Variants in HHAT observed in about 807,000 individuals in gnomAD.
HHAT encodes the protein protein-cysteine N-palmitoyltransferase HHAT.
HHAT carries 47 observed loss-of-function variants against 70.8 expected under a neutral mutation model. That is an observed-to-expected ratio of 0.66 (90% CI 0.53 to 0.85). The LOEUF is 0.85. Among genes scored for constraint, HHAT ranks in the 40% least tolerant of loss-of-function variants. HHAT has a pLI of 0.00. For missense variants in HHAT, 609 were observed against 604.8 expected (o/e 1.01, Z -0.07); for synonymous variants, 228 against 247.6 (o/e 0.92, Z 0.74).
chr1:210,403,820 T>G (rs1351438299), intron 5 of HHAT, among the ~76,000 whole-genome samples: 1 of 152,238 alleles, frequency 6.6e-6, no homozygotes, highest in Non-Finnish European at 1.5e-5. Context: ...CTTCTCATTT[T>G]TTGTTCCATG....
intron 7 of HHAT, among the ~76,000 whole-genome samples, chr1:210,429,680 C>G (rs890476367): frequency 3.3e-5 from 5 of 151,592 alleles, no homozygotes; most frequent in African/African-American, 1.2e-4. Context: ...AGGTGGTCCC[C>G]CCTGTTTGCA....
chr1:210,601,947 G>GAA (rs1664353370), intron 10 of HHAT, among the ~76,000 whole-genome samples: 1 of 109,724 alleles, frequency 9.1e-6, no homozygotes, highest in Admixed American at 1.1e-4. Context: ...CAGAGAGAGA[G>GAA]AGAGAGAGAG....
intron 8 of HHAT, among the ~76,000 whole-genome samples, chr1:210,490,368 A>G (rs142606831): frequency 3.1e-3 from 468 of 152,344 alleles, no homozygotes; most frequent in Middle Eastern, 0.014. Context: ...ACCAGAAATA[A>G]TGACCACACA....
intron 11 of HHAT, among the ~76,000 whole-genome samples, chr1:210,643,766 A>G (rs1673442453): frequency 6.6e-6 from 1 of 152,158 alleles, no homozygotes; most frequent in Non-Finnish European, 1.5e-5. Context: ...ATCTTATTCA[A>G]TTTAATAGAC....
intron 11 of HHAT, among the ~76,000 whole-genome samples, chr1:210,668,384 T>A (rs1193844208): frequency 6.6e-6 from 1 of 152,214 alleles, no homozygotes. Flanking sequence ...CCCATGGTCA[T>A]GGGAAGGACC....
intron 8 of HHAT, among the ~76,000 whole-genome samples, chr1:210,466,475 A>G (rs893933427): frequency 7.9e-5 from 12 of 152,222 alleles, no homozygotes; most frequent in Non-Finnish European, 1.3e-4. Context: ...TACTGAGTCA[A>G]TGGGTTGGGA....
chr1:210,578,579 A>G (rs1658445488), intron 9 of HHAT, among the ~76,000 whole-genome samples: 1 of 152,262 alleles, frequency 6.6e-6, no homozygotes, highest in Non-Finnish European at 1.5e-5. Flanking sequence ...CTAAATATCT[A>G]TTGATACATG....
intron 3 of HHAT, among the ~76,000 whole-genome samples, chr1:210,386,230 C>CTTTCTTTTTTTTTTT (rs1324452281): frequency 0.017 from 1,156 of 69,858 alleles, 154 homozygotes; most frequent in Non-Finnish European, 0.023. Context: ...TTCTTTTTTT[C>CTTTCTTTTTTTTTTT]TTTTTTTTTT....
Position 210,674,532 on chromosome 1 carries a change from A to G in HHAT, c.*153A>G. 1 of 594,160 alleles carries G rather than the reference A, an allele frequency of 1.7e-6. No homozygotes were observed. The highest frequency in any genetic ancestry group is 3.0e-6 in the Non-Finnish European group (1 of 337,142). The allele number at this position is 594,160 out of a possible 1,614,324, so 36.8% of individuals were successfully genotyped here. A position where few individuals can be genotyped will look rare whatever the true frequency, so the allele number is the denominator to read the frequency against. On this transcript the variant is annotated 3_prime_UTR_variant, in exon 12 of 12. Transcript: ENST00000261458. ...CAAGACTGGATGCTGGATCTCATAG[A>G]AAATTCACAGCCAGACAATCTTCTA...
chr1:210,450,265 T>C (rs987261903), intron 7 of HHAT, among the ~76,000 whole-genome samples: 2 of 136,640 alleles, frequency 1.5e-5, no homozygotes, highest in African/African-American at 5.5e-5. Flanking sequence ...CACTCCAGCC[T>C]GGGCGACAGA....
At chr1:210,592,881 T>A (rs1170298706) in intron 10 of HHAT, among the ~76,000 whole-genome samples, 3 of 138,252 alleles carry the variant, frequency 2.2e-5, no homozygotes, top group Admixed American at 2.1e-4. Flanking sequence ...CAACTTTTCT[T>A]TTTTTTTTTT....
intron 10 of HHAT, among the ~76,000 whole-genome samples, chr1:210,602,909 C>G (rs960946100): frequency 2.6e-5 from 4 of 152,186 alleles, no homozygotes; most frequent in Non-Finnish European, 5.9e-5. Flanking sequence ...CTTAACCTCT[C>G]TGGTCTAAGA....
chr1:210,446,331 G>A (rs1254917911), intron 7 of HHAT, among the ~76,000 whole-genome samples: 1 of 152,098 alleles, frequency 6.6e-6, no homozygotes, highest in Non-Finnish European at 1.5e-5. Context: ...ATTGTTTGAA[G>A]CCTTTCAAAT....
intron 9 of HHAT, among the ~76,000 whole-genome samples, chr1:210,546,805 A>G (rs561400884): frequency 6.6e-6 from 1 of 152,146 alleles, no homozygotes; most frequent in Non-Finnish European, 1.5e-5. Context: ...GGGAATGGGG[A>G]GGTTGGGATG....
At chr1:210,663,141 C>CAGGA (rs1678120863) in intron 11 of HHAT, among the ~76,000 whole-genome samples, 1 of 152,164 alleles carries the variant, frequency 6.6e-6, no homozygotes, top group Non-Finnish European at 1.5e-5. Context: ...AAATTAGGCA[C>CAGGA]TAACCAAGAC....
At position 210,617,592 on chromosome 1, in the gene HHAT, A is replaced by G. The variant is rs1053010304; in HGVS notation, c.1246-5934A>G. Among the ~76,000 whole-genome samples, 7 of 152,230 alleles carry G rather than the reference A, an allele frequency of 4.6e-5. No individual in the cohort carries two copies. The South Asian group carries it at 1.4e-3, about 32-fold the overall frequency. ...CATGGCTTAAGTTCTCTAACTAGAC[A>G]GAGCCAGTTGTTTCCTTAGTTATTT... On this transcript the variant is annotated intron_variant, in intron 10 of 11. Coordinates refer to ENST00000261458, the MANE Select transcript of HHAT (RefSeq NM_018194.6).
At chr1:210,329,274 A>C in intron 1 of HHAT, 170 bp downstream of exon 1, 1 of 1,221,550 alleles carries the variant, frequency 8.2e-7, no homozygotes, top group African/African-American at 1.6e-5. Flanking sequence ...GGCGAAGAAG[A>C]CAAAAGCGGC....
chr1:210,617,200 A>G (rs1052045386), intron 10 of HHAT, among the ~76,000 whole-genome samples: 5 of 152,240 alleles, frequency 3.3e-5, no homozygotes, highest in South Asian at 2.1e-4. Context: ...TCACAGAAAT[A>G]TGGAAGCCCA....
chr1:210,472,833 G>A (rs976801611), intron 8 of HHAT, among the ~76,000 whole-genome samples: 3 of 152,180 alleles, frequency 2.0e-5, no homozygotes, highest in Non-Finnish European at 4.4e-5. Context: ...TGAAGTGGGG[G>A]CTTACAGGTC....
Sources: allele counts gnomAD v4.1 joint callset (sites outside exome capture counted in the v4.1 genomes callset), GRCh38; gene constraint gnomAD v4.1.1; transcripts MANE v1.5; gene names NCBI Gene and HGNC (gene_info 2026-07-23, HGNC 2026-07-21).